The following HPX variants were observed in gnomAD, a reference collection of about 807,000 sequenced individuals.
The protein encoded by HPX is hemopexin.
In HPX, 42 loss-of-function variants were observed where a neutral mutation model predicts 53.8. The ratio of observed to expected loss-of-function variants is 0.78; its 90% CI spans 0.61 to 1.01. HPX has a LOEUF of 1.01. Among genes scored for constraint, HPX ranks in the 50% least tolerant of loss-of-function variants. The pLI is 0.00. For synonymous variants in HPX, 229 were observed against 221.1 expected, an observed-to-expected ratio of 1.04 and a Z score of -0.32; for missense variants, 547 against 594.3, an observed-to-expected ratio of 0.92 and a Z score of 0.83.
intron 4 of HPX, among the ~76,000 whole-genome samples, chr11:6,439,183 C>T (rs1008766635): frequency 1.3e-5 from 2 of 152,214 alleles, no homozygotes; most frequent in Admixed American, 6.5e-5. Context: ...GAGGGAGCAG[C>T]ATGCAGAGCC....
intron 5 of HPX, 117 bp from the exon 6 acceptor site, chr11:6,437,769 T>A (rs1849436368): frequency 5.4e-6 from 4 of 741,424 alleles, no homozygotes; most frequent in Non-Finnish European, 9.3e-6. Context: ...CTCACAGCCA[T>A]CAGAGAGATG....
In HPX at chr11:6,431,385, T is replaced by C; in HGVS notation, c.1215A>G (p.Gly405=). The C allele has an allele frequency of 6.2e-7, 1 of 1,614,254 alleles. No individual in the cohort carries two copies. Among genetic ancestry groups the C allele is most frequent in the Non-Finnish European group, 8.5e-7 (1 of 1,180,052 alleles). The part of the protein sequence containing the change: ...ELPWPHEKVD[G]ALCMEKSLGP... ...CAAGGGACTTTTCCATACACAAGGC[T>C]CCGTCTACCTTCTCATGGGGCCAAG... The change falls in exon 10 of 10, where the codon GGA becomes GGG. Residue 405 remains glycine, a synonymous_variant. Transcript: ENST00000265983.
rs368566605 is a variant in HPX, at chr11:6,440,213, A to C, written c.288T>G (p.Pro96=). The part of the protein sequence containing the change: ...ISERWKNFPS[P]VDAAFRQGHN... Reference sequence around the variant, plus strand: ...GACCTTGACGGAATGCAGCATCCACAGGGCTGGGGAAATTCTTCCATCTCT... The same window carrying C: ...GACCTTGACGGAATGCAGCATCCACCGGGCTGGGGAAATTCTTCCATCTCT... The change falls in exon 4 of 10, where the codon CCT becomes CCG. Residue 96 remains proline, a synonymous_variant. Coordinates refer to ENST00000265983, the MANE Select transcript of HPX (RefSeq NM_000613.3). 4.0e-5 allele frequency: 65 copies of C among 1,613,986 alleles called. No individual in the cohort carries two copies. Among genetic ancestry groups the C allele is most frequent in the Non-Finnish European group, 5.4e-5 (64 of 1,180,024 alleles).
chr11:6,434,741 A>AT (rs2134133729), intron 7 of HPX, among the ~76,000 whole-genome samples: 1 of 152,294 alleles, frequency 6.6e-6, no homozygotes, highest in African/African-American at 2.4e-5. Context: ...CAACCACTTT[A>AT]ATGTGGTGTG....
intron 4 of HPX, 22 bp downstream of exon 4, chr11:6,440,143 C>G: frequency 3.1e-6 from 5 of 1,613,916 alleles, no homozygotes; most frequent in Non-Finnish European, 4.2e-6. Context: ...CCAGCCTGGC[C>G]CTGATTTTGG....
Position 6,440,585 on chromosome 11 carries a change from A to G in HPX, c.143-47T>C, listed in dbSNP as rs58784357. 4.2e-5 allele frequency: 62 copies of G among 1,462,406 alleles called. No homozygotes were observed. The African/African-American group carries it at 8.7e-4, about 20-fold the overall frequency. The allele number at this position is 1,462,406 out of a possible 1,614,324, so 90.6% of individuals were successfully genotyped here. On this transcript the variant is annotated intron_variant, in intron 2 of 9. Transcript: ENST00000265983. ...GGCAAAGTAAAAAAAAAAAAAAAAA[A>G]AAAAAAAAAAAAAAAAAACCAGAAG...
At position 6,437,155 on chromosome 11, in the gene HPX, A is replaced by G; in HGVS notation, c.726T>C (p.Thr242=). The G allele has an allele frequency of 6.2e-7, 1 of 1,614,028 alleles. No individual in the cohort carries two copies. The highest frequency in any genetic ancestry group is 8.5e-7 in the Non-Finnish European group (1 of 1,179,936). ...PGRGHGHRNG[T]GHGNSTHHGP... is the part of the protein sequence containing the mutation. ...CATGGTGGGTACTGTTCCCATGGCC[A>G]GTCCCATTCCTGTGTCCATGGCCTG... The change falls in exon 7 of 10, where the codon ACT becomes ACC. Residue 242 remains threonine, a synonymous_variant. Transcript: ENST00000265983.
chr11:6,439,898 GA>G, intron 4 of HPX: 7 of 480,092 alleles, frequency 1.5e-5, no homozygotes, highest in South Asian at 2.0e-5. Flanking sequence ...AATTGCCAGA[GA>G]AAAAAAGGAT....
In HPX at chr11:6,431,206, GC is replaced by G; in HGVS notation, c.*4del. 1 of 1,614,064 alleles carries G rather than the reference GC, an allele frequency of 6.2e-7. No homozygotes were observed. Among genetic ancestry groups the G allele is most frequent in the South Asian group, 1.1e-5 (1 of 91,078 alleles). On this transcript the variant is annotated 3_prime_UTR_variant, in exon 10 of 10. Coordinates refer to ENST00000265983, the MANE Select transcript of HPX (RefSeq NM_000613.3). Reference sequence around the variant, plus strand: ...GGCCAGGCCAGACTCATGTCAGAAGGCCCCTCAGTGAGTGCAGCCCAGGAGA... The same window carrying G: ...GGCCAGGCCAGACTCATGTCAGAAGGCCCTCAGTGAGTGCAGCCCAGGAGA...
chr11:6,433,788 G>C (rs1454499212), intron 7 of HPX, among the ~76,000 whole-genome samples: 1 of 152,154 alleles, frequency 6.6e-6, no homozygotes, highest in Non-Finnish European at 1.5e-5. Flanking sequence ...TGCCGTCCCT[G>C]CCCTTTCAAG....
chr11:6,434,583 G>T (rs188206802), intron 7 of HPX, among the ~76,000 whole-genome samples: 1 of 151,970 alleles, frequency 6.6e-6, no homozygotes, highest in Admixed American at 6.6e-5. Context: ...TGCCCCCCTC[G>T]GCCTCCCACA....
intron 5 of HPX, 55 bp downstream of exon 5, chr11:6,438,301 G>A (rs1849442356): frequency 6.4e-7 from 1 of 1,552,426 alleles, no homozygotes; most frequent in African/African-American, 1.4e-5. Flanking sequence ...ATCACTACTG[G>A]CATCACTACC....
chr11:6,433,951 AT>A (rs1201076977), intron 7 of HPX, among the ~76,000 whole-genome samples: 2 of 152,246 alleles, frequency 1.3e-5, no homozygotes, highest in Non-Finnish European at 2.9e-5. Flanking sequence ...CTCAAAAATC[AT>A]TTCTTCAGAA....
In HPX at chr11:6,431,709, C is replaced by T. The variant is rs1564954024; in HGVS notation, c.1061G>A (p.Gly354Glu). 2 of 1,614,170 alleles carry T rather than the reference C, an allele frequency of 1.2e-6. No homozygotes were observed. Among genetic ancestry groups the T allele is most frequent in the Non-Finnish European group, 1.7e-6 (2 of 1,180,044 alleles). ...RLEKEVGTPH[G>E]IILDSVDAAF... ...CGCATCCACAGAGTCCAGGATAATC[C>T]CATGAGGGGTCCCGACTTCCTTCTC... The change falls in exon 9 of 10, where the codon GGG becomes GAG. Residue 354 changes from glycine to glutamate, a missense_variant. Gly to Glu is a moderately conservative substitution (Grantham distance 98). Coordinates refer to ENST00000265983, the MANE Select transcript of HPX (RefSeq NM_000613.3).
intron 4 of HPX, 46 bp downstream of exon 4, chr11:6,440,119 G>T (rs374357540): frequency 2.5e-6 from 4 of 1,612,940 alleles, no homozygotes; most frequent in East Asian, 2.2e-5. Flanking sequence ...CCCCAGTGTC[G>T]ATTCCAGCCC....
rs773537603 is a variant in HPX, at chr11:6,437,497, C to T, written c.646G>A (p.Val216Met). The T allele has an allele frequency of 4.3e-6, 7 of 1,614,064 alleles. No homozygotes were observed. Among genetic ancestry groups the T allele is most frequent in the African/African-American group, 4.0e-5 (3 of 74,914 alleles). ...FLRFDPVRGE[V>M]PPRYPRDVRD... ...ACATCCCGCGGGTACCTGGGAGGCA[C>T]CTCTCCCCTGACAGGGTCGAAGCGC... is the stretch of plus-strand genomic sequence containing the variant. Residue 216 changes from valine (V) to methionine (M), a missense_variant, in exon 6 of 10, where the codon GTG becomes ATG. By Grantham distance (21) the Val-to-Met change is conservative. Coordinates refer to ENST00000265983, the MANE Select transcript of HPX (RefSeq NM_000613.3).
Position 6,437,627 on chromosome 11 carries a change from C to A in HPX, c.516G>T (p.Leu172Phe), listed in dbSNP as rs751749550. Residue 172 changes from leucine to phenylalanine, a missense_variant, in exon 6 of 10, where the codon TTG becomes TTT. By Grantham distance (22) the Leu-to-Phe change is conservative. Coordinates refer to ENST00000265983, the MANE Select transcript of HPX (RefSeq NM_000613.3). ...AACGCTCCTTCATGGTTCCCGTAGCCAAGTCCCAGAACCACTCGCGGTCAC... is the reference window on the plus strand; with the variant it reads ...AACGCTCCTTCATGGTTCCCGTAGCAAAGTCCCAGAACCACTCGCGGTCAC... ...FQGDREWFWDLATGTMKERSW... is the reference protein window; with the variant it reads ...FQGDREWFWDFATGTMKERSW... The A allele has an allele frequency of 5.0e-6, 8 of 1,614,034 alleles. No individual in the cohort carries two copies. Among genetic ancestry groups the A allele is most frequent in the Non-Finnish European group, 6.8e-6 (8 of 1,180,038 alleles).
rs369183321 is a variant in HPX, at chr11:6,437,185, G to A, written c.704-8C>T. The A allele has an allele frequency of 6.2e-7, 1 of 1,611,908 alleles. No homozygotes were observed. Among genetic ancestry groups the A allele is most frequent in the Non-Finnish European group, 8.5e-7 (1 of 1,178,874 alleles). On this transcript the variant is annotated splice_region_variant and splice_polypyrimidine_tract_variant and intron_variant, in intron 6 of 9. Transcript: ENST00000265983. ...CATTCCTGTGTCCATGGCCTGGAGA[G>A]AGAAATGGGTGAGGAGAACACAGAA...
rs189864072 is a variant in HPX, at chr11:6,433,246, G to A, written c.836-1229C>T. Among the ~76,000 whole-genome samples, 667 of 152,230 alleles carry A rather than the reference G, an allele frequency of 4.4e-3. 2 individuals are homozygous for A. The highest frequency in any genetic ancestry group is 5.4e-3 in the Non-Finnish European group (369 of 68,020). ...GGCTGGAGTGCAATGGTGCAATCTC[G>A]GCTCACTGCAACATTCACCTCCCAG... On this transcript the variant is annotated intron_variant, in intron 7 of 9. Transcript: ENST00000265983.
Sources: allele counts gnomAD v4.1 joint callset (sites outside exome capture counted in the v4.1 genomes callset), GRCh38; gene constraint gnomAD v4.1.1; transcripts MANE v1.5; gene names NCBI Gene and HGNC (gene_info 2026-07-23, HGNC 2026-07-21).